NRXN3: variants seen among roughly 807,000 people sequenced by gnomAD.
NRXN3 encodes neurexin 3, also known as neurexin III.
Under a neutral mutation model 137.6 loss-of-function variants are expected in NRXN3, and 32 were observed. The ratio of observed to expected loss-of-function variants is 0.23; its 90% confidence interval spans 0.18 to 0.31. NRXN3 has a LOEUF of 0.31. NRXN3 is among the 10% of genes least tolerant of loss of function. The pLI, the probability that NRXN3 is intolerant of heterozygous loss-of-function variation, is 1.00. For missense variants in NRXN3, 1,574 were observed against 2,062.5 expected, an observed-to-expected ratio of 0.76 and a Z score of 4.59; for synonymous variants, 798 against 784.5, an observed-to-expected ratio of 1.02 and a Z score of -0.29.
intron 4 of NRXN3, among the ~76,000 whole-genome samples, chr14:78,517,972 A>G (rs2096234612): frequency 6.6e-6 from 1 of 152,132 alleles, no homozygotes; most frequent in Non-Finnish European, 1.5e-5. Context: ...GCCTAGACAA[A>G]TGGATCTTTT....
chr14:79,054,882 A>T (rs1168994142), intron 15 of NRXN3, among the ~76,000 whole-genome samples: 4 of 152,196 alleles, frequency 2.6e-5, no homozygotes, highest in Non-Finnish European at 4.4e-5. Flanking sequence ...TAGAAGAGAA[A>T]ATATAGTATT....
intron 10 of NRXN3, among the ~76,000 whole-genome samples, chr14:78,912,023 A>C (rs2099239651): frequency 6.6e-6 from 1 of 150,812 alleles, no homozygotes; most frequent in African/African-American, 2.5e-5. Context: ...GCACCCATTA[A>C]CTCGTCATTT....
At chr14:78,972,603 C>T (rs56880503) in intron 14 of NRXN3, among the ~76,000 whole-genome samples, 5,118 of 152,166 alleles carry the variant, frequency 0.034, 280 homozygotes, top group African/African-American at 0.12. Flanking sequence ...CCCTTGTTGC[C>T]CGTTGCCTGT....
intron 15 of NRXN3, among the ~76,000 whole-genome samples, chr14:79,006,543 A>T (rs929320219): frequency 1.7e-4 from 26 of 152,038 alleles, no homozygotes; most frequent in African/African-American, 6.3e-4. Flanking sequence ...ACTTTATAAG[A>T]TTTGATTATT....
chr14:78,497,581 T>TCCA lies in NRXN3; in HGVS notation c.758-147539_758-147538insCCA, dbSNP rs767854099. ...GTAAATCCATTAATCTGTCTGTCCATTCATCCATCCATCCATCCATCCATC... is the reference window on the plus strand; with the variant it reads ...GTAAATCCATTAATCTGTCTGTCCATCCATCATCCATCCATCCATCCATCCATC... On this transcript the variant is annotated intron_variant, in intron 4 of 20. Coordinates refer to ENST00000335750, the MANE Select transcript of NRXN3 (RefSeq NM_001330195.2). 2.7e-5 allele frequency among the ~76,000 whole-genome samples: 4 copies of TCCA among 148,652 alleles called. No individual in the cohort carries two copies. The East Asian group carries it at 8.0e-4, about 30-fold the overall frequency.
At chr14:78,201,907 C>G (rs1366569771) in intron 1 of NRXN3, among the ~76,000 whole-genome samples, 2 of 152,222 alleles carry the variant, frequency 1.3e-5, no homozygotes, top group African/African-American at 4.8e-5. Context: ...TGCGATGAGC[C>G]TGCACCATTC....
chr14:79,690,019 T>A (rs533608696), intron 17 of NRXN3, among the ~76,000 whole-genome samples: 1 of 152,204 alleles, frequency 6.6e-6, no homozygotes, highest in Non-Finnish European at 1.5e-5. Flanking sequence ...ATATATTTAA[T>A]GTGTAGCCAA....
chr14:78,384,933 A>G (rs368669589), intron 4 of NRXN3, among the ~76,000 whole-genome samples: 13 of 152,342 alleles, frequency 8.5e-5, no homozygotes, highest in African/African-American at 3.1e-4. Context: ...CTAATTAAGA[A>G]ATTTGATTAA....
chr14:78,354,342 T>G (rs191485948), intron 4 of NRXN3, among the ~76,000 whole-genome samples: 305 of 152,268 alleles, frequency 2.0e-3, no homozygotes, highest in Middle Eastern at 0.014. Flanking sequence ...ATGAGAGAAG[T>G]ATGAAAGAAT....
rs144386594 is a variant in NRXN3 at position 78,750,771 on chromosome 14, A to G, written c.2044+35632A>G. Among the ~76,000 whole-genome samples, 43 of 152,196 alleles carry G rather than the reference A, an allele frequency of 2.8e-4. 1 individual carries two copies. The East Asian group carries it at 7.7e-3, about 27-fold the overall frequency. On this transcript the variant is annotated intron_variant, in intron 8 of 20. Transcript: ENST00000335750. ...AAACAATTATTTTAGTTATCTCACC[A>G]TGTTTTCATGTCTGTTTATGAAGAC...
At position 78,645,268 on chromosome 14, in the gene NRXN3, G is replaced by A. The variant is rs753641658; in HGVS notation, c.906G>A (p.Ser302=). The change falls in exon 5 of 21, where the codon TCG becomes TCA. Residue 302 remains serine (S), a synonymous_variant. Transcript: ENST00000335750. ...GCCTCATCCTGCACACGGGCAAGTC[G>A]GCTGACTATGTCAACCTGGCTCTGA... The part of the protein sequence containing the change: ...RNGLILHTGK[S]ADYVNLALKD... The A allele has an allele frequency of 7.5e-6, 12 of 1,598,698 alleles. No individual in the cohort carries two copies. In the African/African-American group the frequency reaches 9.3e-5, roughly 12 times the overall value.
intron 1 of NRXN3, among the ~76,000 whole-genome samples, chr14:78,238,139 G>GCCCCCC (rs111555461): frequency 2.7e-4 from 40 of 145,462 alleles, no homozygotes; most frequent in African/African-American, 4.4e-4. Context: ...AGTTGTGTGA[G>GCCCCCC]CCCCCCCCAC....
intron 19 of NRXN3, among the ~76,000 whole-genome samples, chr14:79,746,257 A>C (rs2098979396): frequency 6.6e-6 from 1 of 152,160 alleles, no homozygotes; most frequent in African/African-American, 2.4e-5. Flanking sequence ...GTACTGAATC[A>C]GTCTCTCTAG....
At chr14:79,665,554 C>T (rs142632439) in intron 17 of NRXN3, among the ~76,000 whole-genome samples, 1 of 152,142 alleles carries the variant, frequency 6.6e-6, no homozygotes, top group East Asian at 1.9e-4. Flanking sequence ...TTCATAGGCT[C>T]ATAGAAAAAA....
chr14:79,762,474 T>C (rs1375231240), intron 19 of NRXN3, among the ~76,000 whole-genome samples: 1 of 151,660 alleles, frequency 6.6e-6, no homozygotes, highest in Non-Finnish European at 1.5e-5. Flanking sequence ...TCACTTTTTT[T>C]TTTTCAATTT....
chr14:78,480,102 T>C (rs7159492), intron 4 of NRXN3, among the ~76,000 whole-genome samples: 151,816 of 152,340 alleles, frequency 1, 75,650 homozygotes, highest in Middle Eastern at 1. Flanking sequence ...GATCACGCCA[T>C]GGCACTCCAG....
intron 15 of NRXN3, among the ~76,000 whole-genome samples, chr14:79,064,927 T>C (rs1302013338): frequency 2.6e-5 from 4 of 151,266 alleles, no homozygotes; most frequent in African/African-American, 4.8e-5. Flanking sequence ...AAGTAACATA[T>C]AGTATATTTT....
intron 8 of NRXN3, among the ~76,000 whole-genome samples, chr14:78,736,073 C>A (rs939520403): frequency 6.6e-6 from 1 of 152,106 alleles, no homozygotes; most frequent in Admixed American, 6.6e-5. Flanking sequence ...AGGTGCTTTC[C>A]ACCCACCCTA....
chr14:78,843,451 TC>T (rs1356170955), intron 10 of NRXN3, among the ~76,000 whole-genome samples: 3 of 151,908 alleles, frequency 2.0e-5, no homozygotes, highest in Admixed American at 1.3e-4. Flanking sequence ...GTTCTTTTAT[TC>T]AACACATATT....
Sources: allele counts gnomAD v4.1 joint callset (sites outside exome capture counted in the v4.1 genomes callset), GRCh38; gene constraint gnomAD v4.1.1; transcripts MANE v1.5; gene names NCBI Gene and HGNC (gene_info 2026-07-23, HGNC 2026-07-21).